Variants in PIK3R5 observed in about 807,000 individuals in gnomAD.
PIK3R5 encodes the protein phosphoinositide-3-kinase regulatory subunit 5.
Under a neutral mutation model 94.9 loss-of-function variants are expected in PIK3R5, and 32 were observed. That is an observed-to-expected ratio of 0.34 (90% confidence interval 0.25 to 0.45). The LOEUF is 0.45. Ranked by LOEUF, PIK3R5 falls within the 20% of genes least tolerant of loss-of-function variation. The pLI is 1.00. For missense variants in PIK3R5, 853 were observed against 1,144.6 expected, an observed-to-expected ratio of 0.75 and a Z score of 3.68; for synonymous variants, 443 against 479.4, an observed-to-expected ratio of 0.92 and a Z score of 0.99.
At position 8,889,697 on chromosome 17, in the gene PIK3R5, T is replaced by A. The variant is rs950560475; in HGVS notation, c.811+276A>T. Among the ~76,000 whole-genome samples, 5 of 152,134 alleles carry A rather than the reference T, an allele frequency of 3.3e-5. No homozygotes were observed. The highest frequency in any genetic ancestry group is 2.0e-4 in the Admixed American group (3 of 15,278). ...ATGAGCGGAAGTGATGTGCCCAGCT[T>A]CTGCATCACCTTCAACAGAAAAGCC... is the stretch of plus-strand genomic sequence containing the variant. On this transcript the variant is annotated intron_variant, in intron 8 of 18. Coordinates refer to ENST00000447110, the MANE Select transcript of PIK3R5 (RefSeq NM_001142633.3). The surrounding 1 kb of genome is among the most constrained non-coding windows in gnomAD (Gnocchi z 4.1).
intron 5 of PIK3R5, among the ~76,000 whole-genome samples, chr17:8,899,523 A>T (rs2090228769): frequency 6.6e-6 from 1 of 152,236 alleles, no homozygotes; most frequent in Non-Finnish European, 1.5e-5. Flanking sequence ...TTTACAGATG[A>T]GGAAACGGAA....
chr17:8,884,820 G>C lies in PIK3R5; in HGVS notation c.2129-37C>G. The C allele has an allele frequency of 6.3e-7, 1 of 1,588,462 alleles. No homozygotes were observed. The highest frequency in any genetic ancestry group is 8.6e-7 in the Non-Finnish European group (1 of 1,160,250). ...ACAGACAGACCCTTCACTACCCCTG[G>C]CTTCCCCGGCTCCTCACGAACGCAG... On this transcript the variant is annotated intron_variant, in intron 14 of 18. Coordinates refer to ENST00000447110, the MANE Select transcript of PIK3R5 (RefSeq NM_001142633.3). The surrounding 1 kb of genome is among the most constrained non-coding windows in gnomAD (Gnocchi z 5.8).
chr17:8,953,437 CCTTATTTTTCT>C (rs1424590782), intron 1 of PIK3R5, among the ~76,000 whole-genome samples: 5 of 152,124 alleles, frequency 3.3e-5, no homozygotes, highest in African/African-American at 1.2e-4. Flanking sequence ...AGGGCCACAC[CCTTATTTTTCT>C]CTTGTTTTGC....
At chr17:8,959,953 C>G (rs1339220127) in intron 1 of PIK3R5, among the ~76,000 whole-genome samples, 1 of 152,172 alleles carries the variant, frequency 6.6e-6, no homozygotes, top group Non-Finnish European at 1.5e-5. Context: ...ATGCAGAGGG[C>G]TCCTGAGCGG....
rs113617258 is a variant in PIK3R5, at chr17:8,950,667, T to C, written c.-14+14929A>G. 5.9e-5 allele frequency among the ~76,000 whole-genome samples: 9 copies of C among 152,356 alleles called. No homozygotes were observed. In the East Asian group the frequency reaches 9.6e-4, roughly 16 times the overall value. On this transcript the variant is annotated intron_variant, in intron 1 of 18. Coordinates refer to ENST00000447110, the MANE Select transcript of PIK3R5 (RefSeq NM_001142633.3). Reference sequence around the variant, plus strand: ...GCTGCATAGTATTTCATGGTTTATATGTAGAACATTTTCTTTATCCAATCT... The same window carrying C: ...GCTGCATAGTATTTCATGGTTTATACGTAGAACATTTTCTTTATCCAATCT...
intron 1 of PIK3R5, chr17:8,916,093 GTTC>G (rs2090624154): frequency 6.6e-6 from 1 of 152,302 alleles, no homozygotes; most frequent in South Asian, 2.1e-4. Context: ...CTCGCCCCAA[GTTC>G]TTCTCAGAGG....
chr17:8,881,946 GA>G lies in PIK3R5; in HGVS notation c.2206-66del. The G allele has an allele frequency of 7.9e-7, 1 of 1,273,324 alleles. No homozygotes were observed. Among genetic ancestry groups the G allele is most frequent in the Non-Finnish European group, 1.1e-6 (1 of 886,240 alleles). 78.9% of individuals were successfully genotyped at this position (1,273,324 alleles called of 1,614,324 possible). ...CCCCGGTGCCTGCTGCCTTCTCTTT[GA>G]AGGCCCATCAGTGACAGGGGGTTGC... On this transcript the variant is annotated intron_variant, in intron 15 of 18. Coordinates refer to ENST00000447110, the MANE Select transcript of PIK3R5 (RefSeq NM_001142633.3). This position sits in a 1 kb window ranked among gnomAD's most constrained non-coding sequence, Gnocchi z 4.8.
At chr17:8,961,995 G>A (rs916902481) in intron 1 of PIK3R5, among the ~76,000 whole-genome samples, 2 of 152,156 alleles carry the variant, frequency 1.3e-5, no homozygotes, top group Non-Finnish European at 2.9e-5. Flanking sequence ...AAAGCACCTC[G>A]TGGCCACAAT....
chr17:8,886,204 C>T, intron 14 of PIK3R5, 25 bp downstream of exon 14: 1 of 1,579,658 alleles, frequency 6.3e-7, no homozygotes, highest in Non-Finnish European at 8.7e-7. Context: ...GCCTCACCGT[C>T]TGTCTCTGCT....
chr17:8,885,408 C>T (rs1168859762), intron 14 of PIK3R5, among the ~76,000 whole-genome samples: 1 of 149,978 alleles, frequency 6.7e-6, no homozygotes, highest in Non-Finnish European at 1.5e-5. Context: ...GCCCCACCTA[C>T]CAGGCAACCC....
rs411268 is a variant in PIK3R5 at position 8,896,991 on chromosome 17, C to A, written c.413-3336G>T. 0.59 allele frequency among the ~76,000 whole-genome samples: 90,339 copies of A among 152,028 alleles called. 27,208 individuals carry two copies. The highest frequency in any genetic ancestry group is 0.64 in the Non-Finnish European group (43,238 of 67,960). On this transcript the variant is annotated intron_variant, in intron 5 of 18. Coordinates refer to ENST00000447110, the MANE Select transcript of PIK3R5 (RefSeq NM_001142633.3). This position sits in a 1 kb window ranked among gnomAD's most constrained non-coding sequence, Gnocchi z 4.0. The stretch of plus-strand genomic sequence containing the variant: ...ACTCATGGTGGACAGTTTGACCTAC[C>A]TCATACCCTGAAGCAAACACCAGGC...
rs1190283372 is a variant in PIK3R5 at position 8,896,141 on chromosome 17, A to G, written c.413-2486T>C. Among the ~76,000 whole-genome samples the G allele has an allele frequency of 2.0e-5, 3 of 152,170 alleles. No individual in the cohort carries two copies. The highest frequency in any genetic ancestry group is 4.4e-5 in the Non-Finnish European group (3 of 68,044). On this transcript the variant is annotated intron_variant, in intron 5 of 18. Transcript: ENST00000447110. The surrounding 1 kb of genome is among the most constrained non-coding windows in gnomAD (Gnocchi z 4.0). ...GCCTGGCTTAGAGATTGTACTGCCG[A>G]GTCCCCATTTGCTGGTATGTGCTGT...
At position 8,884,919 on chromosome 17, in the gene PIK3R5, C is replaced by A; in HGVS notation, c.2129-136G>T. On this transcript the variant is annotated intron_variant, in intron 14 of 18. Coordinates refer to ENST00000447110, the MANE Select transcript of PIK3R5 (RefSeq NM_001142633.3). This position sits in a 1 kb window ranked among gnomAD's most constrained non-coding sequence, Gnocchi z 5.8. The stretch of plus-strand genomic sequence containing the variant: ...CGTGACTCCCTAGGGATCTGTCTCA[C>A]CAAGGCCCTGCCTCTCTCTCTGGCT... The A allele has an allele frequency of 1.4e-6, 1 of 696,752 alleles. No individual in the cohort carries two copies. Among genetic ancestry groups the A allele is most frequent in the South Asian group, 1.6e-5 (1 of 61,054 alleles). The allele number at this position is 696,752 out of a possible 1,614,324, so 43.2% of individuals were successfully genotyped here.
In PIK3R5 at chr17:8,893,320, T is replaced by G. The variant is rs1267412753; in HGVS notation, c.482+266A>C. 2.0e-5 allele frequency among the ~76,000 whole-genome samples: 3 copies of G among 152,264 alleles called. No individual in the cohort carries two copies. The highest frequency in any genetic ancestry group is 2.0e-4 in the Admixed American group (3 of 15,288). ...CTGAAAATAATGAAAGTGGGGGAACTGTGTGCCTAACACCTGGCATAATTG... is the reference window on the plus strand; with the variant it reads ...CTGAAAATAATGAAAGTGGGGGAACGGTGTGCCTAACACCTGGCATAATTG... On this transcript the variant is annotated intron_variant, in intron 6 of 18. Transcript: ENST00000447110. The surrounding 1 kb of genome is among the most constrained non-coding windows in gnomAD (Gnocchi z 5.1).
At chr17:8,961,033 G>A (rs886194280) in intron 1 of PIK3R5, among the ~76,000 whole-genome samples, 4 of 152,180 alleles carry the variant, frequency 2.6e-5, no homozygotes, top group African/African-American at 9.7e-5. Context: ...GGCGGTCAGT[G>A]CTATGGTGCG....
chr17:8,884,842 G>T lies in PIK3R5; in HGVS notation c.2129-59C>A. On this transcript the variant is annotated intron_variant, in intron 14 of 18. Transcript: ENST00000447110. The surrounding 1 kb of genome is among the most constrained non-coding windows in gnomAD (Gnocchi z 5.8). Reference sequence around the variant, plus strand: ...CTGGCTTCCCCGGCTCCTCACGAACGCAGTGGCCTTGCCTCCCTGGGCCTT... The same window carrying T: ...CTGGCTTCCCCGGCTCCTCACGAACTCAGTGGCCTTGCCTCCCTGGGCCTT... 1 of 1,480,016 alleles carries T rather than the reference G, an allele frequency of 6.8e-7. No homozygotes were observed. The highest frequency in any genetic ancestry group is 9.4e-7 in the Non-Finnish European group (1 of 1,066,096). 91.7% of individuals were successfully genotyped at this position (1,480,016 alleles called of 1,614,324 possible). A position where few individuals can be genotyped will look rare whatever the true frequency, so the allele number is the denominator to read the frequency against.
intron 5 of PIK3R5, among the ~76,000 whole-genome samples, chr17:8,897,832 G>C (rs2090186347): frequency 6.6e-6 from 1 of 152,174 alleles, no homozygotes; most frequent in South Asian, 2.1e-4. Flanking sequence ...CTTTTGCCAA[G>C]GATGGTGGAG....
chr17:8,953,990 G>A lies in PIK3R5; in HGVS notation c.-14+11606C>T, dbSNP rs1163685957. Among the ~76,000 whole-genome samples, 4 of 151,744 alleles carry A rather than the reference G, an allele frequency of 2.6e-5. No homozygotes were observed. In the East Asian group the frequency reaches 7.8e-4, roughly 29 times the overall value. On this transcript the variant is annotated intron_variant, in intron 1 of 18. Coordinates refer to ENST00000447110, the MANE Select transcript of PIK3R5 (RefSeq NM_001142633.3). ...TGCATGAGCTCTGAATTGGAATGGG[G>A]GAGTTATCGCTCCTGGGGAGTAATT...
Position 8,887,663 on chromosome 17 carries a change from G to A in PIK3R5, c.1637C>T (p.Pro546Leu). ...AAGTTTGAAGAACCGTGTGAGGAGT[G>A]GGCGATTGTTCTCCAGCCGCCTGGC... ...SNLRRLENNR[P>L]LLTRFFKLQF... Residue 546 changes from proline (P) to leucine (L), a missense_variant, in exon 11 of 19, where the codon CCA becomes CTA. Transcript: ENST00000447110. The A allele has an allele frequency of 6.2e-7, 1 of 1,603,142 alleles. No individual in the cohort carries two copies. The highest frequency in any genetic ancestry group is 8.5e-7 in the Non-Finnish European group (1 of 1,174,798).
Sources: allele counts gnomAD v4.1 joint callset (sites outside exome capture counted in the v4.1 genomes callset), GRCh38; gene constraint gnomAD v4.1.1; non-coding constraint Gnocchi (gnomAD v3.1); transcripts MANE v1.5; gene names NCBI Gene and HGNC (gene_info 2026-07-23, HGNC 2026-07-21).